The following LARP1B variants were observed in gnomAD, a reference collection of about 807,000 sequenced individuals.
LARP1B encodes the protein La ribonucleoprotein 1B.
A neutral mutation model predicts 114.2 loss-of-function variants in LARP1B; 76 were observed. The observed-to-expected ratio is 0.67, with a 90% CI of 0.55 to 0.81. The LOEUF is 0.81. Ranked by LOEUF, LARP1B falls within the 30% of genes least tolerant of loss-of-function variation. The probability of loss-of-function intolerance (pLI) is 0.00; values close to 1 mark genes in which losing one functional copy is unlikely to be tolerated. For missense variants in LARP1B, 1,014 were observed against 1,075.8 expected (o/e 0.94, Z 0.80); for synonymous variants, 345 against 348.0 (o/e 0.99, Z 0.10).
chr4:128,112,314 A>G (rs1421163428), intron 9 of LARP1B, among the ~76,000 whole-genome samples: 1 of 152,004 alleles, frequency 6.6e-6, no homozygotes, highest in African/African-American at 2.4e-5. Context: ...TTATATGCTC[A>G]GTGTAAAAAT....
At chr4:128,196,183 G>A (rs1051573474) in intron 15 of LARP1B, among the ~76,000 whole-genome samples, 6 of 149,892 alleles carry the variant, frequency 4.0e-5, no homozygotes, top group Admixed American at 1.3e-4. Flanking sequence ...CCCGGGAAGC[G>A]GATGTCACAG....
chr4:128,071,421 ATTT>A (rs778799614), intron 1 of LARP1B, among the ~76,000 whole-genome samples: 41 of 108,376 alleles, frequency 3.8e-4, no homozygotes, highest in African/African-American at 1.0e-3. Context: ...TTCTTTCACA[ATTT>A]TTTTTTTTTT....
chr4:128,178,526 C>G lies in LARP1B; in HGVS notation c.1780C>G (p.Pro594Ala). Residue 594 changes from proline to alanine, a missense_variant, in exon 14 of 20, where the codon CCT becomes GCT. Transcript: ENST00000326639. Reference sequence around the variant, plus strand: ...GTTGCCTACAGCAGTTCCAGAATCTCCTAGAATTCATCCTACAAGAACACC... The same window carrying G: ...GTTGCCTACAGCAGTTCCAGAATCTGCTAGAATTCATCCTACAAGAACACC... ...HSLPTAVPES[P>A]RIHPTRTPKT... The G allele has an allele frequency of 6.2e-7, 1 of 1,614,012 alleles. No individual in the cohort carries two copies. The highest frequency in any genetic ancestry group is 8.5e-7 in the Non-Finnish European group (1 of 1,179,942).
intron 12 of LARP1B, among the ~76,000 whole-genome samples, chr4:128,164,462 T>A (rs1739836876): frequency 6.6e-6 from 1 of 152,066 alleles, no homozygotes; most frequent in African/African-American, 2.4e-5. Context: ...AACAAAGAAT[T>A]AATATCATAG....
At position 128,175,987 on chromosome 4, in the gene LARP1B, G is replaced by C. The variant is rs1042547497; in HGVS notation, c.1649-885G>C. Among the ~76,000 whole-genome samples the C allele has an allele frequency of 6.0e-5, 9 of 150,984 alleles. No individual in the cohort carries two copies. The East Asian group carries it at 1.7e-3, about 29-fold the overall frequency. On this transcript the variant is annotated intron_variant, in intron 12 of 19. Coordinates refer to ENST00000326639, the MANE Select transcript of LARP1B (RefSeq NM_018078.4). Reference sequence around the variant, plus strand: ...AGCTTACTCTTTCTGGGTTGTTACTGTTCCTAGATCTTTGAAAATTTCTTT... The same window carrying C: ...AGCTTACTCTTTCTGGGTTGTTACTCTTCCTAGATCTTTGAAAATTTCTTT...
chr4:128,192,325 C>G (rs1752555489), intron 15 of LARP1B, among the ~76,000 whole-genome samples: 1 of 152,138 alleles, frequency 6.6e-6, no homozygotes, highest in South Asian at 2.1e-4. Flanking sequence ...CCAGCAATAT[C>G]TCTGAGATAT....
At chr4:128,065,448 G>C (rs1281995663) in intron 1 of LARP1B, among the ~76,000 whole-genome samples, 1 of 150,220 alleles carries the variant, frequency 6.7e-6, no homozygotes, top group Non-Finnish European at 1.5e-5. Context: ...GGCCTCAGGC[G>C]ATCCTCCTGC....
intron 11 of LARP1B, among the ~76,000 whole-genome samples, chr4:128,152,424 G>A (rs1392142306): frequency 6.6e-6 from 1 of 151,724 alleles, no homozygotes; most frequent in Non-Finnish European, 1.5e-5. Flanking sequence ...GGATGGTCTC[G>A]AACTCCTGAC....
intron 7 of LARP1B, among the ~76,000 whole-genome samples, chr4:128,093,480 C>T (rs901669439): frequency 1.3e-5 from 2 of 151,814 alleles, no homozygotes; most frequent in Non-Finnish European, 2.9e-5. Context: ...CCTGTAGTCC[C>T]AGCTACTCTG....
intron 11 of LARP1B, among the ~76,000 whole-genome samples, chr4:128,142,299 A>G (rs144907711): frequency 3.0e-4 from 45 of 152,270 alleles, no homozygotes; most frequent in African/African-American, 9.6e-4. Flanking sequence ...TGAAAACTGT[A>G]AAAAACTGGG....
chr4:128,072,336 C>T (rs906556988), intron 1 of LARP1B, among the ~76,000 whole-genome samples: 8 of 151,828 alleles, frequency 5.3e-5, no homozygotes, highest in Admixed American at 2.6e-4. Context: ...AAATAATGCT[C>T]AAAAAAGATG....
At chr4:128,131,793 A>C (rs1356163579) in intron 11 of LARP1B, among the ~76,000 whole-genome samples, 1 of 152,250 alleles carries the variant, frequency 6.6e-6, no homozygotes, top group Non-Finnish European at 1.5e-5. Flanking sequence ...ACATGGGGCC[A>C]ATAAGCACTT....
chr4:128,086,429 A>G (rs555427949), intron 5 of LARP1B, among the ~76,000 whole-genome samples: 1 of 152,198 alleles, frequency 6.6e-6, no homozygotes, highest in South Asian at 2.1e-4. Flanking sequence ...CCTAGGCTCA[A>G]GCGATTCTCC....
chr4:128,107,062 A>G lies in LARP1B; in HGVS notation c.814-77A>G, dbSNP rs537371916. 5.3e-5 allele frequency: 68 copies of G among 1,280,624 alleles called. No individual in the cohort carries two copies. In the African/African-American group the frequency reaches 9.6e-4, roughly 18 times the overall value. 79.3% of individuals were successfully genotyped at this position (1,280,624 alleles called of 1,614,324 possible). On this transcript the variant is annotated intron_variant, in intron 8 of 19. Coordinates refer to ENST00000326639, the MANE Select transcript of LARP1B (RefSeq NM_018078.4). ...ATTAGTTTGCTAATTTCAGGTTTTC[A>G]AATTTTTAGGTTCTTAGAAGTATAG...
chr4:128,071,404 A>T (rs1765293195), intron 1 of LARP1B, among the ~76,000 whole-genome samples: 2 of 147,458 alleles, frequency 1.4e-5, no homozygotes, highest in Non-Finnish European at 3.0e-5. Flanking sequence ...AGAGTTTGAG[A>T]ATTGTCTTCT....
rs905701174 is a variant in LARP1B, at chr4:128,178,539, C to G, written c.1793C>G (p.Pro598Arg). The change falls in exon 14 of 20, where the codon CCT (proline) becomes CGT (arginine). Residue 598 changes from proline (P) to arginine (R), a missense_variant. Transcript: ENST00000326639. Reference protein sequence around the residue: ...TAVPESPRIHPTRTPKTPRTP... With the variant: ...TAVPESPRIHRTRTPKTPRTP... ...GTTCCAGAATCTCCTAGAATTCATC[C>G]TACAAGAACACCCAAAACACCTCGA... The G allele has an allele frequency of 3.1e-6, 5 of 1,613,986 alleles. No homozygotes were observed. The Admixed American group carries it at 5.0e-5, about 16-fold the overall frequency.
At chr4:128,171,310 G>T (rs11935232) in intron 12 of LARP1B, among the ~76,000 whole-genome samples, 4,043 of 151,912 alleles carry the variant, frequency 0.027, 163 homozygotes, top group African/African-American at 0.093. Flanking sequence ...TTTATTTTTT[G>T]TGGAGACAGG....
chr4:128,089,894 C>T (rs1775249962), intron 5 of LARP1B, among the ~76,000 whole-genome samples: 1 of 151,782 alleles, frequency 6.6e-6, no homozygotes, highest in African/African-American at 2.4e-5. Flanking sequence ...CCTCAGCCTA[C>T]TGAGTAGCTG....
At chr4:128,197,627 G>T (rs1754634001) in intron 15 of LARP1B, among the ~76,000 whole-genome samples, 1 of 151,996 alleles carries the variant, frequency 6.6e-6, no homozygotes, top group East Asian at 1.9e-4. Context: ...CCAGGAGGTG[G>T]AGGTTGCAGT....
Sources: gnomAD v4.1 joint callset for allele counts (sites outside exome capture counted in the v4.1 genomes callset) on GRCh38, gnomAD v4.1.1 for gene constraint, MANE v1.5 for transcripts, NCBI Gene and HGNC (gene_info 2026-07-23, HGNC 2026-07-21) for gene names.